SDK1: variants seen among roughly 807,000 people sequenced by gnomAD.
SDK1 encodes the protein sidekick cell adhesion molecule 1, also known as protein sidekick-1.
A neutral mutation model predicts 245.5 loss-of-function variants in SDK1; 157 were observed. The ratio of observed to expected loss-of-function variants is 0.64; its 90% CI spans 0.56 to 0.73. The LOEUF is 0.73. Ranked by LOEUF, SDK1 falls within the 30% of genes least tolerant of loss-of-function variation. The probability of loss-of-function intolerance (pLI) is 0.00; values close to 1 mark genes in which losing one functional copy is unlikely to be tolerated. For synonymous variants in SDK1, 1,647 were observed against 1,278.5 expected, an observed-to-expected ratio of 1.29 and a Z score of -6.15; for missense variants, 3,583 against 3,002.3, an observed-to-expected ratio of 1.19 and a Z score of -4.52.
chr7:3,445,032 C>T (rs1337316302), intron 1 of SDK1, among the ~76,000 whole-genome samples: 2 of 152,018 alleles, frequency 1.3e-5, no homozygotes, highest in East Asian at 1.9e-4. Context: ...TTGTAGGATA[C>T]TTAGTATAAA....
chr7:3,852,676 G>A lies in SDK1; in HGVS notation c.847+31093G>A, dbSNP rs563355189. Among the ~76,000 whole-genome samples, 147 of 148,886 alleles carry A rather than the reference G, an allele frequency of 9.9e-4. 1 individual carries two copies. Among genetic ancestry groups the A allele is most frequent in the Non-Finnish European group, 1.5e-3 (103 of 67,310 alleles). ...TGAGGCAGGAGAATGGCGGGAACCC[G>A]GGAGGCAGAGGTTGCAGTGAGCCGA... On this transcript the variant is annotated intron_variant, in intron 5 of 44. Coordinates refer to ENST00000404826, the MANE Select transcript of SDK1 (RefSeq NM_152744.4).
intron 1 of SDK1, among the ~76,000 whole-genome samples, chr7:3,572,334 CAG>C (rs1322454926): frequency 1.3e-5 from 2 of 151,974 alleles, no homozygotes; most frequent in Non-Finnish European, 2.9e-5. Context: ...AAAAACGCCT[CAG>C]TGAAGATGGA....
At chr7:3,574,736 A>G (rs562650544) in intron 1 of SDK1, among the ~76,000 whole-genome samples, 2 of 152,222 alleles carry the variant, frequency 1.3e-5, no homozygotes, top group South Asian at 4.1e-4. Flanking sequence ...TTAGAAGGAA[A>G]ACATTTCATT....
chr7:3,739,731 G>GT lies in SDK1; in HGVS notation c.714-81712dup, dbSNP rs544421202. On this transcript the variant is annotated intron_variant, in intron 4 of 44. Coordinates refer to ENST00000404826, the MANE Select transcript of SDK1 (RefSeq NM_152744.4). Reference sequence around the variant, plus strand: ...TATAATTAGGATAGCTAATTTCAAGGTTTTTTTCTGTAAAGTCTAGCATAC... The same window carrying GT: ...TATAATTAGGATAGCTAATTTCAAGGTTTTTTTTCTGTAAAGTCTAGCATAC... 8.1e-3 allele frequency among the ~76,000 whole-genome samples: 1,229 copies of GT among 151,954 alleles called. 16 individuals carry two copies. The highest frequency in any genetic ancestry group is 0.014 in the Middle Eastern group (4 of 294).
intron 1 of SDK1, among the ~76,000 whole-genome samples, chr7:3,606,366 T>TTAC (rs1299592366): frequency 7.9e-5 from 12 of 152,222 alleles, no homozygotes; most frequent in African/African-American, 1.9e-4. Context: ...GCTTCAGCAC[T>TTAC]TGTAGCCCAG....
At chr7:4,099,142 G>C (rs1402001964) in intron 22 of SDK1, among the ~76,000 whole-genome samples, 1 of 152,056 alleles carries the variant, frequency 6.6e-6, no homozygotes, top group African/African-American at 2.4e-5. Context: ...CTTTCGATGG[G>C]AGGGAAGACA....
At chr7:4,241,956 C>A (rs754192960) in intron 43 of SDK1, 43 bp downstream of exon 43, 1 of 1,601,830 alleles carries the variant, frequency 6.2e-7, no homozygotes, top group Non-Finnish European at 8.5e-7. Context: ...GGGATCTGAG[C>A]TGCCAGGGCT....
Position 3,883,000 on chromosome 7 carries a change from G to A in SDK1, c.847+61417G>A, listed in dbSNP as rs116565160. On this transcript the variant is annotated intron_variant, in intron 5 of 44. Transcript: ENST00000404826. ...AGTTGAAGTGCTGGCTGGAAGGGCC[G>A]CCCAGATGTGATCCTCATAAGAAAT... Among the ~76,000 whole-genome samples the A allele has an allele frequency of 5.6e-3, 851 of 152,240 alleles. 8 individuals are homozygous for A. The highest frequency in any genetic ancestry group is 0.018 in the African/African-American group (763 of 41,546).
chr7:3,602,132 A>G lies in SDK1; in HGVS notation c.299-16948A>G, dbSNP rs188958813. On this transcript the variant is annotated intron_variant, in intron 1 of 44. Transcript: ENST00000404826. ...TTGCTGTTGTGAATAGTGCTACAAT[A>G]AACATACGTGTGCATGTGTCTTTAT... 3.7e-4 allele frequency among the ~76,000 whole-genome samples: 56 copies of G among 152,078 alleles called. 1 individual carries two copies. The highest frequency in any genetic ancestry group is 2.4e-3 in the Admixed American group (37 of 15,258).
At chr7:3,844,443 C>G (rs1435117947) in intron 5 of SDK1, among the ~76,000 whole-genome samples, 1 of 152,128 alleles carries the variant, frequency 6.6e-6, no homozygotes, top group Non-Finnish European at 1.5e-5. Flanking sequence ...AGACTCAGGA[C>G]CCTTGATGTG....
intron 1 of SDK1, among the ~76,000 whole-genome samples, chr7:3,479,073 A>G (rs898926566): frequency 2.0e-5 from 3 of 152,188 alleles, no homozygotes; most frequent in Admixed American, 6.5e-5. Flanking sequence ...GACTGACTTC[A>G]TGGTCCAGTA....
At chr7:4,037,098 C>G (rs562715755) in intron 17 of SDK1, among the ~76,000 whole-genome samples, 1 of 152,110 alleles carries the variant, frequency 6.6e-6, no homozygotes, top group Non-Finnish European at 1.5e-5. Context: ...TAGATTCTTG[C>G]AAAACTCTTT....
chr7:3,334,793 C>G (rs1282386506), intron 1 of SDK1, among the ~76,000 whole-genome samples: 1 of 152,114 alleles, frequency 6.6e-6, no homozygotes, highest in Non-Finnish European at 1.5e-5. Flanking sequence ...TCCCAGAAGT[C>G]TAGAGGTATA....
Position 4,268,033 on chromosome 7 carries a change from T to C in SDK1, c.*2649T>C. 1 of 985,364 alleles carries C rather than the reference T, an allele frequency of 1.0e-6. No individual in the cohort carries two copies. The highest frequency in any genetic ancestry group is 1.2e-6 in the Non-Finnish European group (1 of 829,904). The allele number at this position is 985,364 out of a possible 1,614,324, so 61.0% of individuals were successfully genotyped here. A position where few individuals can be genotyped will look rare whatever the true frequency, so the allele number is the denominator to read the frequency against. Reference sequence around the variant, plus strand: ...AAATCACAGCCTAGGAAGATGGAGGTTGGATTTTAATCTCGGTTTTAAAAA... The same window carrying C: ...AAATCACAGCCTAGGAAGATGGAGGCTGGATTTTAATCTCGGTTTTAAAAA... On this transcript the variant is annotated 3_prime_UTR_variant, in exon 45 of 45. Coordinates refer to ENST00000404826, the MANE Select transcript of SDK1 (RefSeq NM_152744.4).
At chr7:3,437,530 G>A (rs1780064397) in intron 1 of SDK1, among the ~76,000 whole-genome samples, 1 of 152,044 alleles carries the variant, frequency 6.6e-6, no homozygotes, top group South Asian at 2.1e-4. Context: ...TCAGAGCTTT[G>A]GGAAGCTGAG....
At chr7:4,241,974 C>A in intron 43 of SDK1, 61 bp downstream of exon 43, 1 of 1,584,096 alleles carries the variant, frequency 6.3e-7, no homozygotes, top group Non-Finnish European at 8.6e-7. Context: ...GCTGGGGTGG[C>A]AGCCCACGCC....
chr7:3,998,094 A>T (rs56240734), intron 14 of SDK1, among the ~76,000 whole-genome samples: 69,071 of 152,154 alleles, frequency 0.45, 17,976 homozygotes, highest in African/African-American at 0.73. Flanking sequence ...CAAGGAGGCT[A>T]GGATCTGCAG....
At chr7:4,112,740 G>A (rs931138251) in intron 23 of SDK1, among the ~76,000 whole-genome samples, 3 of 150,598 alleles carry the variant, frequency 2.0e-5, no homozygotes, top group Non-Finnish European at 1.5e-5. Flanking sequence ...GGGGAAAAAG[G>A]GCACATATGC....
chr7:4,053,746 C>G lies in SDK1; in HGVS notation c.2911+1916C>G, dbSNP rs556203602. On this transcript the variant is annotated intron_variant, in intron 19 of 44. Coordinates refer to ENST00000404826, the MANE Select transcript of SDK1 (RefSeq NM_152744.4). ...GGAATAGAACATGGATTTCTTGACC[C>G]TCTGAGACCAACAATCAATCCCTCC... is the stretch of plus-strand genomic sequence containing the variant. 9.9e-5 allele frequency among the ~76,000 whole-genome samples: 15 copies of G among 152,256 alleles called. No individual in the cohort carries two copies. In the South Asian group the frequency reaches 1.2e-3, roughly 13 times the overall value.
Sources: allele counts gnomAD v4.1 joint callset (sites outside exome capture counted in the v4.1 genomes callset), GRCh38; gene constraint gnomAD v4.1.1; transcripts MANE v1.5; gene names NCBI Gene and HGNC (gene_info 2026-07-23, HGNC 2026-07-21).